Variants in CD163L1 observed in about 807,000 individuals in gnomAD.
CD163L1 encodes the protein CD163 molecule like 1.
In CD163L1, 124 loss-of-function variants were observed where a neutral mutation model predicts 165.4. The observed-to-expected ratio is 0.75, with a 90% CI of 0.65 to 0.87. The LOEUF (loss-of-function observed/expected upper bound fraction) is 0.87. Ranked by LOEUF, CD163L1 falls within the 40% of genes least tolerant of loss-of-function variation. The pLI is 0.00. For synonymous variants in CD163L1, 585 were observed against 662.2 expected (o/e 0.88, Z 1.79); for missense variants, 1,525 against 1,799.9 (o/e 0.85, Z 2.76).
the CD163L1 span, among the ~76,000 whole-genome samples, chr12:7,332,866 C>T: frequency 6.6e-6 from 1 of 152,208 alleles, no homozygotes; most frequent in Admixed American, 6.5e-5. Flanking sequence ...TAGGAAGAAA[C>T]TGCATCAACT....
chr12:7,418,526 C>A (rs1261070134), intron 4 of CD163L1, among the ~76,000 whole-genome samples: 1 of 151,516 alleles, frequency 6.6e-6, no homozygotes, highest in Non-Finnish European at 1.5e-5. Flanking sequence ...GAAAATTATA[C>A]CAAAGATCAG....
At chr12:7,346,908 C>T (rs71445154) in exon 5 of CD163L1, 9,278 of 152,234 alleles carry the variant, frequency 0.061, 382 homozygotes, top group East Asian at 0.16. Context: ...AATAAAGTTC[C>T]TGGCCCCGCA....
chr12:7,393,618 A>G (rs753346375), intron 8 of CD163L1, among the ~76,000 whole-genome samples: 1 of 152,322 alleles, frequency 6.6e-6, no homozygotes, highest in South Asian at 2.1e-4. Flanking sequence ...AGTTAGGAAA[A>G]GAGAAGTCAA....
At chr12:7,414,790 G>C (rs755819666) in intron 4 of CD163L1, among the ~76,000 whole-genome samples, 4 of 152,134 alleles carry the variant, frequency 2.6e-5, no homozygotes, top group Admixed American at 6.6e-5. Context: ...ACCTAAGAGA[G>C]AGTGGGATGA....
chr12:7,427,248 T>C (rs979757100), intron 4 of CD163L1, among the ~76,000 whole-genome samples: 1 of 152,234 alleles, frequency 6.6e-6, no homozygotes, highest in East Asian at 1.9e-4. Flanking sequence ...AGAATATAGC[T>C]TCTTTTAAAG....
chr12:7,352,623 C>T (rs1018224974), downstream of CD163L1, among the ~76,000 whole-genome samples: 35 of 152,058 alleles, frequency 2.3e-4, no homozygotes, highest in African/African-American at 8.5e-4. Context: ...TGTTCGGGTG[C>T]AATATTTAAC....
intron 4 of CD163L1, among the ~76,000 whole-genome samples, chr12:7,420,623 T>C (rs773877245): frequency 5.3e-5 from 8 of 151,942 alleles, no homozygotes; most frequent in East Asian, 3.9e-4. Flanking sequence ...ACATCACTCA[T>C]GATCAGAGAA....
At chr12:7,426,338 G>A (rs773727620) in intron 4 of CD163L1, among the ~76,000 whole-genome samples, 38 of 152,166 alleles carry the variant, frequency 2.5e-4, no homozygotes, top group African/African-American at 8.7e-4. Flanking sequence ...AATACCTAAT[G>A]CATGTGGGGC....
At chr12:7,321,486 G>A in the CD163L1 span, among the ~76,000 whole-genome samples, 1 of 152,234 alleles carries the variant, frequency 6.6e-6, no homozygotes, top group Admixed American at 6.5e-5. Flanking sequence ...ATGCGAGACA[G>A]AATAAAGCAA....
At position 7,432,838 on chromosome 12, in the gene CD163L1, A is replaced by G; in HGVS notation, c.446-102T>C. 1 of 973,690 alleles carries G rather than the reference A, an allele frequency of 1.0e-6. No individual in the cohort carries two copies. The highest frequency in any genetic ancestry group is 1.5e-6 in the Non-Finnish European group (1 of 685,848). 60.3% of individuals were successfully genotyped at this position (973,690 alleles called of 1,614,324 possible). On this transcript the variant is annotated intron_variant, in intron 3 of 19. Transcript: ENST00000313599. This position sits in a 1 kb window ranked among gnomAD's most constrained non-coding sequence, Gnocchi z 4.2. The stretch of plus-strand genomic sequence containing the variant: ...AGACAGCCCTGTTATGAATGAAGTT[A>G]CCAAAAATTAAAAAAAAATAACTGA...
At chr12:7,370,498 C>T (rs1416681513) in intron 14 of CD163L1, among the ~76,000 whole-genome samples, 1 of 152,076 alleles carries the variant, frequency 6.6e-6, no homozygotes, top group Non-Finnish European at 1.5e-5. Flanking sequence ...GATTTTAGTT[C>T]CCGTAATAGT....
At chr12:7,404,426 T>C (rs901711662) in intron 5 of CD163L1, among the ~76,000 whole-genome samples, 6 of 152,210 alleles carry the variant, frequency 3.9e-5, no homozygotes, top group African/African-American at 1.4e-4. Context: ...ATATTTGTCA[T>C]AGGAAATGAA....
At chr12:7,320,688 A>C in the CD163L1 span, 2 of 1,561,786 alleles carry the variant, frequency 1.3e-6, no homozygotes, top group African/African-American at 2.7e-5. Context: ...CCTTTGAATG[A>C]CCACTTCTGA....
At chr12:7,322,811 G>C in the CD163L1 span, among the ~76,000 whole-genome samples, 1 of 152,192 alleles carries the variant, frequency 6.6e-6, no homozygotes, top group Non-Finnish European at 1.5e-5. Flanking sequence ...GAACTGAGCA[G>C]CTCATCTTTC....
In CD163L1 at chr12:7,432,839, C is replaced by A; in HGVS notation, c.446-103G>T. ...GACAGCCCTGTTATGAATGAAGTTA[C>A]CAAAAATTAAAAAAAAATAACTGAA... On this transcript the variant is annotated intron_variant, in intron 3 of 19. Coordinates refer to ENST00000313599, the MANE Select transcript of CD163L1 (RefSeq NM_174941.6). This position sits in a 1 kb window ranked among gnomAD's most constrained non-coding sequence, Gnocchi z 4.2. 4 of 957,144 alleles carry A rather than the reference C, an allele frequency of 4.2e-6. No homozygotes were observed. Among genetic ancestry groups the A allele is most frequent in the South Asian group, 5.1e-5 (2 of 38,998 alleles). The allele number at this position is 957,144 out of a possible 1,614,324, so 59.3% of individuals were successfully genotyped here.
chr12:7,428,669 C>A (rs1335818686), intron 4 of CD163L1, among the ~76,000 whole-genome samples: 1 of 152,068 alleles, frequency 6.6e-6, no homozygotes, highest in Non-Finnish European at 1.5e-5. Flanking sequence ...CCTTTGTTCT[C>A]TTTTGTTTCT....
intron 8 of CD163L1, among the ~76,000 whole-genome samples, chr12:7,389,620 C>G (rs895846481): frequency 1.3e-5 from 2 of 151,638 alleles, no homozygotes; most frequent in African/African-American, 4.8e-5. Context: ...TGACTATAGT[C>G]AATAATAACT....
At chr12:7,370,896 G>A (rs961435576) in intron 14 of CD163L1, among the ~76,000 whole-genome samples, 8 of 152,110 alleles carry the variant, frequency 5.3e-5, no homozygotes, top group East Asian at 3.9e-4. Context: ...TCTTTGCTAT[G>A]GTTTGGCTGT....
chr12:7,367,532 T>C (rs1312079115), intron 17 of CD163L1: 3 of 427,886 alleles, frequency 7.0e-6, no homozygotes, highest in East Asian at 7.4e-5. Context: ...CTTCCACTTT[T>C]ATTACCAAGT....
Sources: gnomAD v4.1 joint callset for allele counts (sites outside exome capture counted in the v4.1 genomes callset) on GRCh38, gnomAD v4.1.1 for gene constraint, Gnocchi (gnomAD v3.1) non-coding constraint, MANE v1.5 for transcripts, NCBI Gene and HGNC (gene_info 2026-07-23, HGNC 2026-07-21) for gene names.